CTNNA2: variants seen among roughly 807,000 people sequenced by gnomAD.
CTNNA2 encodes catenin alpha-2.
Under a neutral mutation model 101.0 loss-of-function variants are expected in CTNNA2, and 42 were observed. The observed-to-expected ratio is 0.42, with a 90% CI of 0.32 to 0.54. The LOEUF (loss-of-function observed/expected upper bound fraction) is 0.54, where lower values mean the gene tolerates loss of function less well. CTNNA2 is among the 20% of genes least tolerant of loss of function. The pLI, the probability that CTNNA2 is intolerant of heterozygous loss-of-function variation, is 0.14. For missense variants in CTNNA2, 871 were observed against 1,223.1 expected, an observed-to-expected ratio of 0.71 and a Z score of 4.29; for synonymous variants, 450 against 456.4, an observed-to-expected ratio of 0.99 and a Z score of 0.18.
intron 7 of CTNNA2, among the ~76,000 whole-genome samples, chr2:80,137,346 A>G (rs1702751181): frequency 6.6e-6 from 1 of 152,174 alleles, no homozygotes; most frequent in Admixed American, 6.6e-5. Flanking sequence ...TAAAACTGTC[A>G]GAGTTGCTCA....
intron 10 of CTNNA2, among the ~76,000 whole-genome samples, chr2:80,545,346 A>C (rs1172037826): frequency 1.3e-5 from 2 of 152,182 alleles, no homozygotes; most frequent in African/African-American, 4.8e-5. Context: ...CAGGGGTTCA[A>C]GGCCAGCCTG....
At chr2:80,596,016 G>A (rs1696917746) in intron 15 of CTNNA2, among the ~76,000 whole-genome samples, 1 of 152,112 alleles carries the variant, frequency 6.6e-6, no homozygotes, top group African/African-American at 2.4e-5. Flanking sequence ...TTTTCCATTT[G>A]TTTGTGTCCT....
intron 7 of CTNNA2, among the ~76,000 whole-genome samples, chr2:80,296,853 A>G (rs1267742444): frequency 6.6e-6 from 1 of 152,194 alleles, no homozygotes; most frequent in Admixed American, 6.5e-5. Flanking sequence ...AACTGTCTCC[A>G]GACACAAACA....
At chr2:80,611,448 T>C (rs559265635) in intron 17 of CTNNA2, among the ~76,000 whole-genome samples, 26 of 151,778 alleles carry the variant, frequency 1.7e-4, no homozygotes, top group African/African-American at 4.3e-4. Flanking sequence ...CATTATCTTA[T>C]GGGAGAAAAG....
At chr2:80,279,008 A>C (rs370218439) in intron 7 of CTNNA2, among the ~76,000 whole-genome samples, 2 of 143,780 alleles carry the variant, frequency 1.4e-5, no homozygotes, top group African/African-American at 5.1e-5. Context: ...TCTATTGGAG[A>C]CTGAATTTGG....
At chr2:80,560,399 C>CT (rs150403153) in intron 12 of CTNNA2, among the ~76,000 whole-genome samples, 1,912 of 147,944 alleles carry the variant, frequency 0.013, 46 homozygotes, top group African/African-American at 0.043. Flanking sequence ...CTGCTACCAA[C>CT]TAACTGTGAC....
At chr2:80,375,756 G>A (rs1469694818) in intron 7 of CTNNA2, among the ~76,000 whole-genome samples, 1 of 151,676 alleles carries the variant, frequency 6.6e-6, no homozygotes, top group Non-Finnish European at 1.5e-5. Context: ...GTAGAAACAG[G>A]GTTTTACTGT....
At chr2:79,758,148 G>C (rs187464015) in intron 3 of CTNNA2, among the ~76,000 whole-genome samples, 32 of 152,152 alleles carry the variant, frequency 2.1e-4, no homozygotes, top group African/African-American at 7.2e-4. Flanking sequence ...TGTTTGATTT[G>C]TGCATAAAAT....
intron 2 of CTNNA2, among the ~76,000 whole-genome samples, chr2:79,709,393 A>G (rs1685597329): frequency 6.6e-6 from 1 of 152,224 alleles, no homozygotes; most frequent in African/African-American, 2.4e-5. Context: ...CATGAAAGAT[A>G]TACCAGGGAC....
intron 18 of CTNNA2, among the ~76,000 whole-genome samples, chr2:80,632,463 G>A (rs1021171341): frequency 1.3e-5 from 2 of 152,124 alleles, no homozygotes; most frequent in South Asian, 2.1e-4. Context: ...TTGTCTTTTT[G>A]TGCTGCACTC....
At position 80,387,740 on chromosome 2, in the gene CTNNA2, A is replaced by G. The variant is rs962735090; in HGVS notation, c.1057-5471A>G. Among the ~76,000 whole-genome samples, 42 of 152,188 alleles carry G rather than the reference A, an allele frequency of 2.8e-4. 1 individual carries two copies. On this transcript the variant is annotated intron_variant, in intron 7 of 18. Transcript: ENST00000402739. Reference sequence around the variant, plus strand: ...GAGAATAAAGGATCTCCTATTAAAAATCCAAGTCAGGAAATTTATTCCCTT... The same window carrying G: ...GAGAATAAAGGATCTCCTATTAAAAGTCCAAGTCAGGAAATTTATTCCCTT...
At chr2:80,580,702 A>C (rs1005780527) in intron 13 of CTNNA2, among the ~76,000 whole-genome samples, 23 of 152,276 alleles carry the variant, frequency 1.5e-4, no homozygotes, top group African/African-American at 5.3e-4. Flanking sequence ...TTGTTGAATG[A>C]ATTGATTTAA....
chr2:80,294,526 T>C (rs1675564921), intron 7 of CTNNA2, among the ~76,000 whole-genome samples: 1 of 152,048 alleles, frequency 6.6e-6, no homozygotes, highest in African/African-American at 2.4e-5. Flanking sequence ...AGAGCTGCAG[T>C]CAGACTTTTG....
At chr2:80,546,615 T>C (rs745574735) in intron 11 of CTNNA2, among the ~76,000 whole-genome samples, 1 of 152,190 alleles carries the variant, frequency 6.6e-6, no homozygotes, top group African/African-American at 2.4e-5. Flanking sequence ...TGAAAGAAAA[T>C]AGAACTGCTC....
chr2:80,393,133 T>C, intron 7 of CTNNA2, 78 bp from the exon 8 acceptor site: 1 of 1,076,236 alleles, frequency 9.3e-7, no homozygotes, highest in South Asian at 1.7e-5. Context: ...CTTCTCATGT[T>C]TTCCTGATTT....
Position 79,774,658 on chromosome 2 carries a change from G to A in CTNNA2, c.298+30076G>A, listed in dbSNP as rs377511960. Among the ~76,000 whole-genome samples the A allele has an allele frequency of 4.6e-5, 7 of 152,164 alleles. No homozygotes were observed. In the East Asian group the frequency reaches 1.2e-3, roughly 25 times the overall value. On this transcript the variant is annotated intron_variant, in intron 3 of 18. Transcript: ENST00000402739. Reference sequence around the variant, plus strand: ...GGCATGGTTATAAGCAAACAGGGCAGTAATACTGAACTACAAACTATGTAT... The same window carrying A: ...GGCATGGTTATAAGCAAACAGGGCAATAATACTGAACTACAAACTATGTAT...
At chr2:79,664,278 G>A (rs1682242632) in intron 2 of CTNNA2, among the ~76,000 whole-genome samples, 1 of 151,988 alleles carries the variant, frequency 6.6e-6, no homozygotes, top group Non-Finnish European at 1.5e-5. Flanking sequence ...AGTTTTGCTT[G>A]ACCTCTTGTT....
Position 79,858,013 on chromosome 2 carries a change from G to C in CTNNA2, c.299G>C (p.Gly100Ala). 6.2e-7 allele frequency: 1 copy of C among 1,611,356 alleles called. No individual in the cohort carries two copies. The highest frequency in any genetic ancestry group is 8.5e-7 in the Non-Finnish European group (1 of 1,177,772). The change falls in exon 4 of 19, where the codon GGT becomes GCT. Residue 100 changes from glycine (G) to alanine (A), a missense_variant and splice_region_variant. Physicochemically the swap from Gly to Ala is moderately conservative, Grantham distance 60. Around this residue, in one of 5 missense-constraint regions of CTNNA2, gnomAD observed 647 missense variants for 831.5 expected, o/e 0.78. Coordinates refer to ENST00000402739, the MANE Select transcript of CTNNA2 (RefSeq NM_001282597.3). The stretch of plus-strand genomic sequence containing the variant: ...CTGCCTCTCCGTGTCTGTCTTCCAG[G>C]TGAGACGATGCGGATCGCCTCCTCC... ...VAAVEDVRKQ[G>A]ETMRIASSEF...
At chr2:79,619,016 G>A (rs1400705460) in intron 1 of CTNNA2, among the ~76,000 whole-genome samples, 1 of 152,160 alleles carries the variant, frequency 6.6e-6, no homozygotes, top group Non-Finnish European at 1.5e-5. Flanking sequence ...GACTACCATG[G>A]CCAATATGGT....
Sources: allele counts gnomAD v4.1 joint callset (sites outside exome capture counted in the v4.1 genomes callset), GRCh38; gene constraint gnomAD v4.1.1; regional missense constraint gnomAD v4.1.1; transcripts MANE v1.5; gene names NCBI Gene and HGNC (gene_info 2026-07-23, HGNC 2026-07-21).